RBFOX1: variants seen among roughly 807,000 people sequenced by gnomAD.
RBFOX1 encodes RNA binding fox-1 homolog 1, also known as RNA binding protein fox-1 homolog 1.
RBFOX1 carries 8 observed loss-of-function variants against 57.7 expected under a neutral mutation model. The observed-to-expected ratio is 0.14, with a 90% CI of 0.08 to 0.25. The LOEUF is 0.25. Among genes scored for constraint, RBFOX1 ranks in the 10% least tolerant of loss-of-function variants. The pLI is 1.00. For missense variants in RBFOX1, 611 were observed against 548.5 expected, an observed-to-expected ratio of 1.11 and a Z score of -1.14; for synonymous variants, 326 against 222.4, an observed-to-expected ratio of 1.47 and a Z score of -4.15.
intron 3 of RBFOX1, among the ~76,000 whole-genome samples, chr16:6,814,247 T>A: frequency 1.0e-5 from 1 of 99,304 alleles, no homozygotes; most frequent in African/African-American, 3.4e-5. Context: ...GAGAAAATTG[T>A]GGTGGGGGGG....
chr16:6,607,416 T>TCC (rs1234039232), intron 2 of RBFOX1, among the ~76,000 whole-genome samples: 4 of 63,612 alleles, frequency 6.3e-5, no homozygotes, highest in Non-Finnish European at 5.9e-5. Context: ...TCAGTCTCTC[T>TCC]CCTCTCTCTC....
chr16:6,433,363 C>A (rs2094148596), intron 2 of RBFOX1, among the ~76,000 whole-genome samples: 1 of 152,240 alleles, frequency 6.6e-6, no homozygotes, highest in Non-Finnish European at 1.5e-5. Context: ...ATCACTTCCA[C>A]CAGACACTGT....
intron 7 of RBFOX1, among the ~76,000 whole-genome samples, chr16:7,593,614 G>A (rs546673604): frequency 4.1e-4 from 63 of 152,160 alleles, no homozygotes; most frequent in African/African-American, 1.5e-3. Flanking sequence ...TCTCGATACA[G>A]TTCACCCTTG....
chr16:6,706,140 T>C (rs889820179), intron 3 of RBFOX1, among the ~76,000 whole-genome samples: 3 of 152,280 alleles, frequency 2.0e-5, no homozygotes, highest in African/African-American at 4.8e-5. Flanking sequence ...TTGTAATCTT[T>C]GTTGTGTCAG....
chr16:6,540,063 A>T (rs2096792143), intron 2 of RBFOX1, among the ~76,000 whole-genome samples: 1 of 152,100 alleles, frequency 6.6e-6, no homozygotes. Context: ...GCCTCACGTG[A>T]CTTGACTTTG....
chr16:5,960,898 C>T (rs961614167), intron 4 of RBFOX1, among the ~76,000 whole-genome samples: 3 of 152,152 alleles, frequency 2.0e-5, no homozygotes, highest in African/African-American at 7.2e-5. Flanking sequence ...GAGTGTTGAC[C>T]ATAAGCCCAT....
intron 1 of RBFOX1, among the ~76,000 whole-genome samples, chr16:6,226,080 C>T (rs1427512057): frequency 1.3e-5 from 2 of 151,922 alleles, no homozygotes; most frequent in East Asian, 3.9e-4. Flanking sequence ...ATTTCCCAGG[C>T]CTGGTGCAGT....
chr16:7,093,512 G>T (rs2061201732), intron 4 of RBFOX1, among the ~76,000 whole-genome samples: 1 of 152,164 alleles, frequency 6.6e-6, no homozygotes, highest in African/African-American at 2.4e-5. Flanking sequence ...CTTTAAGTCA[G>T]AGGTACCCAC....
At chr16:7,408,986 C>A (rs568552770) in intron 4 of RBFOX1, among the ~76,000 whole-genome samples, 7 of 152,276 alleles carry the variant, frequency 4.6e-5, no homozygotes, top group African/African-American at 1.7e-4. Context: ...TTTTGCATCC[C>A]CGCCCGTCAA....
At chr16:6,138,724 A>C (rs1409613415) in intron 1 of RBFOX1, among the ~76,000 whole-genome samples, 3 of 152,110 alleles carry the variant, frequency 2.0e-5, no homozygotes, top group African/African-American at 7.2e-5. Flanking sequence ...AAAATTAGCA[A>C]GGGTTGGTGG....
intron 10 of RBFOX1, chr16:7,614,759 G>A (rs929495947): frequency 6.6e-6 from 1 of 152,146 alleles, no homozygotes; most frequent in East Asian, 1.9e-4. Context: ...CCACTTGCAG[G>A]TACTTGCTCT....
intron 2 of RBFOX1, among the ~76,000 whole-genome samples, chr16:6,437,552 AATAG>A (rs1185074889): frequency 6.6e-6 from 1 of 152,182 alleles, no homozygotes; most frequent in Non-Finnish European, 1.5e-5. Context: ...AGTCATTTCT[AATAG>A]ATGGTGTGTG....
At chr16:6,858,058 G>A (rs1373109098) in intron 3 of RBFOX1, among the ~76,000 whole-genome samples, 1 of 152,148 alleles carries the variant, frequency 6.6e-6, no homozygotes, top group African/African-American at 2.4e-5. Context: ...CCCAAGAATG[G>A]CCTTGCTTAA....
rs903287324 is a variant in RBFOX1, at chr16:7,288,313, A to G, written c.28-229834A>G. Among the ~76,000 whole-genome samples the G allele has an allele frequency of 2.6e-5, 4 of 152,334 alleles. No homozygotes were observed. In the East Asian group the frequency reaches 5.8e-4, roughly 22 times the overall value. Reference sequence around the variant, plus strand: ...TGGAAATCCATTTAAGGAATGCATCATACAATAAAGTAGAAGATTCAAGGT... The same window carrying G: ...TGGAAATCCATTTAAGGAATGCATCGTACAATAAAGTAGAAGATTCAAGGT... On this transcript the variant is annotated intron_variant, in intron 4 of 15. Transcript: ENST00000550418.
chr16:5,767,969 A>G (rs1284211008), intron 3 of RBFOX1, among the ~76,000 whole-genome samples: 1 of 152,118 alleles, frequency 6.6e-6, no homozygotes, highest in Non-Finnish European at 1.5e-5. Context: ...TATATTTTTC[A>G]GTTAAAAAAT....
intron 3 of RBFOX1, among the ~76,000 whole-genome samples, chr16:6,884,339 C>A (rs1290336123): frequency 6.6e-6 from 1 of 152,192 alleles, no homozygotes; most frequent in Non-Finnish European, 1.5e-5. Flanking sequence ...GGGGACCTGG[C>A]AGCTTCTTCC....
At chr16:5,896,520 A>T (rs1350952647) in intron 4 of RBFOX1, among the ~76,000 whole-genome samples, 3 of 152,202 alleles carry the variant, frequency 2.0e-5, no homozygotes, top group African/African-American at 7.2e-5. Flanking sequence ...GAGTGGAAGC[A>T]GCCTGAGACT....
intron 3 of RBFOX1, among the ~76,000 whole-genome samples, chr16:6,794,457 A>G (rs899395486): frequency 2.0e-5 from 3 of 151,944 alleles, no homozygotes; most frequent in Middle Eastern, 6.8e-3. Flanking sequence ...AGGGGGAGGG[A>G]TGGGAGAGAA....
At chr16:6,485,065 G>A (rs925930482) in intron 2 of RBFOX1, among the ~76,000 whole-genome samples, 2 of 152,160 alleles carry the variant, frequency 1.3e-5, no homozygotes, top group African/African-American at 4.8e-5. Flanking sequence ...TTGTGGCATG[G>A]AGTAACTTGC....
Sources: allele counts gnomAD v4.1 joint callset (sites outside exome capture counted in the v4.1 genomes callset), GRCh38; gene constraint gnomAD v4.1.1; transcripts MANE v1.5; gene names NCBI Gene and HGNC (gene_info 2026-07-23, HGNC 2026-07-21).